KSR2: variants seen among roughly 807,000 people sequenced by gnomAD.
KSR2 encodes kinase suppressor of ras 2.
In KSR2, 25 loss-of-function variants were observed where a neutral mutation model predicts 107.8. That is an observed-to-expected ratio of 0.23 (90% confidence interval 0.17 to 0.32). The LOEUF (loss-of-function observed/expected upper bound fraction) is 0.32. Among genes scored for constraint, KSR2 ranks in the 10% least tolerant of loss-of-function variants. The probability of loss-of-function intolerance (pLI) is 1.00; values close to 1 mark genes in which losing one functional copy is unlikely to be tolerated. For missense variants in KSR2, 887 were observed against 1,268.9 expected, an observed-to-expected ratio of 0.70 and a Z score of 4.57; for synonymous variants, 480 against 507.0, an observed-to-expected ratio of 0.95 and a Z score of 0.71.
In KSR2 at chr12:117,882,598, AATCCATCCATCCTTCCATCTATCC is replaced by A. The variant is rs781656317; in HGVS notation, c.181-22191_181-22168del. Among the ~76,000 whole-genome samples, 247 of 146,600 alleles carry A rather than the reference AATCCATCCATCCTTCCATCTATCC, an allele frequency of 1.7e-3. 1 individual carries two copies. The highest frequency in any genetic ancestry group is 0.016 in the Middle Eastern group (4 of 252). ...CCACCCATCCAACCATCCATCCAAC[AATCCATCCATCCTTCCATCTATCC>A]ATCCATCCATCCATCCAACAATCCA... On this transcript the variant is annotated intron_variant, in intron 1 of 19. Coordinates refer to ENST00000339824, the MANE Select transcript of KSR2 (RefSeq NM_173598.6).
In KSR2 at chr12:117,921,968, G is replaced by A. The variant is rs1034491117; in HGVS notation, c.180+46108C>T. On this transcript the variant is annotated intron_variant, in intron 1 of 19. Transcript: ENST00000339824. ...TTAGCAAATGTATGTTTGTGTGACA[G>A]CTATTTATGGAGGCTGTATACTTTT... Among the ~76,000 whole-genome samples, 15 of 152,278 alleles carry A rather than the reference G, an allele frequency of 9.9e-5. 1 individual carries two copies. The highest frequency in any genetic ancestry group is 6.5e-4 in the Admixed American group (10 of 15,282).
At chr12:117,490,377 C>T (rs12828172) in intron 14 of KSR2, among the ~76,000 whole-genome samples, 53,356 of 152,076 alleles carry the variant, frequency 0.35, 9,958 homozygotes, top group South Asian at 0.54. Context: ...GCTGACATGT[C>T]CTGGGCACAT....
rs568716366 is a variant in KSR2, at chr12:117,730,750, T to G, written c.986+30261A>C. On this transcript the variant is annotated intron_variant, in intron 4 of 19. Coordinates refer to ENST00000339824, the MANE Select transcript of KSR2 (RefSeq NM_173598.6). ...GTCTCCAGCTCCTGACCGCGAGTGA[T>G]CTGCCCGCCTCGGCCTCCCGAGGTG... 2.2e-3 allele frequency among the ~76,000 whole-genome samples: 335 copies of G among 152,346 alleles called. 1 individual carries two copies. Among genetic ancestry groups the G allele is most frequent in the African/African-American group, 7.5e-3 (312 of 41,584 alleles).
At chr12:117,485,778 C>A in intron 14 of KSR2, 87 bp from the exon 15 acceptor site, 1 of 885,436 alleles carries the variant, frequency 1.1e-6, no homozygotes, top group Non-Finnish European at 1.9e-6. Flanking sequence ...CAAATGATGG[C>A]ATAGACACGT....
intron 1 of KSR2, among the ~76,000 whole-genome samples, chr12:117,870,735 C>T (rs1893623276): frequency 6.6e-6 from 1 of 152,096 alleles, no homozygotes; most frequent in African/African-American, 2.4e-5. Context: ...CCTGCGCTTG[C>T]CAAGGAGCTA....
intron 14 of KSR2, among the ~76,000 whole-genome samples, chr12:117,523,123 T>G (rs903477608): frequency 3.9e-5 from 6 of 152,184 alleles, no homozygotes; most frequent in African/African-American, 1.4e-4. Flanking sequence ...CACGAGTCAC[T>G]CCAGTCAACC....
rs962748195 is a variant in KSR2 at position 117,835,670 on chromosome 12, G to T, written c.472+19758C>A. Among the ~76,000 whole-genome samples, 4 of 152,036 alleles carry T rather than the reference G, an allele frequency of 2.6e-5. No homozygotes were observed. In the East Asian group the frequency reaches 7.7e-4, roughly 29 times the overall value. ...GACAGTGTCTGTAGGCATTTTTGAT[G>T]GTCACTACCAGGGGCTAGGGGGTTG... is the stretch of plus-strand genomic sequence containing the variant. On this transcript the variant is annotated intron_variant, in intron 3 of 19. Transcript: ENST00000339824.
At chr12:117,951,011 C>T (rs1896349345) in intron 1 of KSR2, among the ~76,000 whole-genome samples, 1 of 151,774 alleles carries the variant, frequency 6.6e-6, no homozygotes, top group Non-Finnish European at 1.5e-5. Flanking sequence ...GGATTCATGC[C>T]ATTCTCCTGC....
intron 7 of KSR2, among the ~76,000 whole-genome samples, chr12:117,575,983 C>T (rs1363502496): frequency 6.6e-6 from 1 of 152,168 alleles, no homozygotes; most frequent in Non-Finnish European, 1.5e-5. Flanking sequence ...AAACTCAGTT[C>T]TGACTGCTTC....
At chr12:117,777,139 T>TTATATATATATATACACACTATATTA (rs1555238939) in intron 3 of KSR2, among the ~76,000 whole-genome samples, 8 of 136,762 alleles carry the variant, frequency 5.8e-5, no homozygotes, top group African/African-American at 2.0e-4. Context: ...ATACACTATA[T>TTATATATATATATACACACTATATTA]TATATATATA....
At chr12:117,567,696 T>C (rs1479547095) in intron 7 of KSR2, among the ~76,000 whole-genome samples, 1 of 151,626 alleles carries the variant, frequency 6.6e-6, no homozygotes, top group Non-Finnish European at 1.5e-5. Flanking sequence ...ACCGAATCCT[T>C]GCCCCCTTTG....
intron 4 of KSR2, among the ~76,000 whole-genome samples, chr12:117,743,510 C>T (rs547984562): frequency 6.6e-6 from 1 of 152,376 alleles, no homozygotes; most frequent in South Asian, 2.1e-4. Context: ...ACAATATACA[C>T]AATGATTTCT....
chr12:117,691,369 G>C (rs1885806849), intron 4 of KSR2, among the ~76,000 whole-genome samples: 1 of 152,140 alleles, frequency 6.6e-6, no homozygotes, highest in Admixed American at 6.5e-5. Context: ...CTGAGTCACT[G>C]ACCCTCGCCT....
At chr12:117,887,065 G>A (rs1392498890) in intron 1 of KSR2, among the ~76,000 whole-genome samples, 7 of 151,536 alleles carry the variant, frequency 4.6e-5, no homozygotes, top group Non-Finnish European at 1.0e-4. Context: ...TTGGGACTAC[G>A]GGCGCTCATT....
chr12:117,471,419 A>T (rs902507378), intron 17 of KSR2, 99 bp from the exon 18 acceptor site: 2 of 1,334,730 alleles, frequency 1.5e-6, no homozygotes, highest in Non-Finnish European at 2.1e-6. Context: ...GTCTCCTGGC[A>T]CCCATTCTTC....
intron 1 of KSR2, among the ~76,000 whole-genome samples, chr12:117,893,907 C>CTT (rs56095185): frequency 0.025 from 3,194 of 129,242 alleles, 65 homozygotes; most frequent in Non-Finnish European, 0.039. Context: ...GAACAAAATT[C>CTT]TTTTTTTTTT....
intron 1 of KSR2, among the ~76,000 whole-genome samples, chr12:117,927,537 A>T (rs1895564739): frequency 1.3e-5 from 2 of 152,098 alleles, no homozygotes; most frequent in African/African-American, 4.8e-5. Flanking sequence ...ACTAAAAAAT[A>T]CAAAAAGTAG....
intron 5 of KSR2, 83 bp from the exon 6 acceptor site, chr12:117,582,442 G>T: frequency 9.9e-7 from 1 of 1,005,936 alleles, no homozygotes; most frequent in Non-Finnish European, 1.6e-6. Context: ...GAAAAGGGGG[G>T]CTCGTCACCC....
intron 3 of KSR2, among the ~76,000 whole-genome samples, chr12:117,847,103 G>A (rs1164066475): frequency 6.6e-6 from 1 of 152,334 alleles, no homozygotes. Flanking sequence ...AAGTTACAGG[G>A]GAAAGGAAAG....
Sources: gnomAD v4.1 joint callset for allele counts (sites outside exome capture counted in the v4.1 genomes callset) on GRCh38, gnomAD v4.1.1 for gene constraint, MANE v1.5 for transcripts, NCBI Gene and HGNC (gene_info 2026-07-23, HGNC 2026-07-21) for gene names.